The following NTN4 variants were observed in gnomAD, a reference collection of about 807,000 sequenced individuals.
NTN4 encodes the protein netrin-4.
In NTN4, 32 loss-of-function variants were observed where a neutral mutation model predicts 73.6. The observed-to-expected ratio is 0.44, with a 90% confidence interval of 0.33 to 0.58. The LOEUF (loss-of-function observed/expected upper bound fraction) is 0.58, where lower values mean the gene tolerates loss of function less well. Ranked by LOEUF, NTN4 falls within the 20% of genes least tolerant of loss-of-function variation. The pLI, the probability that NTN4 is intolerant of heterozygous loss-of-function variation, is 0.04. For missense variants in NTN4, 654 were observed against 798.3 expected (o/e 0.82, Z 2.18); for synonymous variants, 258 against 287.5 (o/e 0.90, Z 1.04).
chr12:95,697,858 A>G (rs1288596714), intron 5 of NTN4, among the ~76,000 whole-genome samples: 1 of 152,138 alleles, frequency 6.6e-6, no homozygotes, highest in Non-Finnish European at 1.5e-5. Flanking sequence ...TGGGCAAATT[A>G]TATACAGTCA....
At chr12:95,741,626 A>AT (rs1565903784) in intron 2 of NTN4, among the ~76,000 whole-genome samples, 3 of 47,748 alleles carry the variant, frequency 6.3e-5, no homozygotes, top group Non-Finnish European at 1.2e-4. Flanking sequence ...TAAAGTGTTT[A>AT]ATATATATAT....
At chr12:95,759,329 T>C (rs1373321930) in intron 2 of NTN4, among the ~76,000 whole-genome samples, 1 of 152,178 alleles carries the variant, frequency 6.6e-6, no homozygotes, top group Non-Finnish European at 1.5e-5. Context: ...ATTACTTGAA[T>C]GTTAGACCAC....
At chr12:95,771,051 G>A (rs539800979) in intron 2 of NTN4, among the ~76,000 whole-genome samples, 25 of 144,986 alleles carry the variant, frequency 1.7e-4, no homozygotes, top group African/African-American at 5.6e-4. Flanking sequence ...GTGCAGTGGC[G>A]CGATCTCGGC....
At chr12:95,711,499 A>G (rs936803471) in intron 4 of NTN4, among the ~76,000 whole-genome samples, 1 of 152,216 alleles carries the variant, frequency 6.6e-6, no homozygotes, top group African/African-American at 2.4e-5. Flanking sequence ...AGATGTAGGC[A>G]TGAATTCATG....
chr12:95,784,665 G>A (rs1438808675), intron 2 of NTN4, among the ~76,000 whole-genome samples: 1 of 152,094 alleles, frequency 6.6e-6, no homozygotes, highest in African/African-American at 2.4e-5. Flanking sequence ...TACTCAGGAG[G>A]CTGAGGCAGG....
intron 1 of NTN4, among the ~76,000 whole-genome samples, chr12:95,788,484 C>T (rs1051877259): frequency 5.3e-5 from 8 of 152,192 alleles, no homozygotes; most frequent in African/African-American, 1.9e-4. Flanking sequence ...TTGTGAATAC[C>T]TTAAGCAAAA....
chr12:95,700,584 G>A (rs2121052029), intron 5 of NTN4, among the ~76,000 whole-genome samples: 1 of 152,138 alleles, frequency 6.6e-6, no homozygotes, highest in South Asian at 2.1e-4. Flanking sequence ...TTCTACTTTT[G>A]ACTCAGAGTC....
At chr12:95,768,518 TC>T (rs1342267910) in intron 2 of NTN4, among the ~76,000 whole-genome samples, 1 of 151,716 alleles carries the variant, frequency 6.6e-6, no homozygotes, top group Non-Finnish European at 1.5e-5. Context: ...GCCCAACAGA[TC>T]CAGCTAGAGG....
intron 2 of NTN4, among the ~76,000 whole-genome samples, chr12:95,746,708 G>A (rs559875061): frequency 1.3e-5 from 2 of 152,168 alleles, no homozygotes; most frequent in East Asian, 1.9e-4. Context: ...TAGCTCCCTT[G>A]GTCTTTCCTA....
At chr12:95,753,259 ATCC>A in intron 2 of NTN4, among the ~76,000 whole-genome samples, 1 of 151,366 alleles carries the variant, frequency 6.6e-6, no homozygotes, top group South Asian at 2.1e-4. Flanking sequence ...GTGGAAATCT[ATCC>A]TCAAGGAAAT....
chr12:95,688,674 G>A (rs1259694024), intron 5 of NTN4, among the ~76,000 whole-genome samples: 2 of 151,804 alleles, frequency 1.3e-5, no homozygotes, highest in African/African-American at 4.8e-5. Context: ...TGTAGAGTGA[G>A]AAGATGATCA....
intron 3 of NTN4, 59 bp from the exon 4 acceptor site, chr12:95,713,397 A>T (rs1592680488): frequency 6.7e-7 from 1 of 1,488,108 alleles, no homozygotes; most frequent in Non-Finnish European, 9.1e-7. Flanking sequence ...AGAACAGAAC[A>T]TGCTTCCCAC....
At chr12:95,772,885 C>T (rs867398579) in intron 2 of NTN4, among the ~76,000 whole-genome samples, 1 of 152,162 alleles carries the variant, frequency 6.6e-6, no homozygotes, top group Non-Finnish European at 1.5e-5. Context: ...TTCCCTCACC[C>T]TCCTTCCCTC....
chr12:95,704,445 A>G (rs1254185452), intron 5 of NTN4, among the ~76,000 whole-genome samples: 3 of 152,194 alleles, frequency 2.0e-5, no homozygotes, highest in African/African-American at 7.2e-5. Flanking sequence ...TCTGGTAATT[A>G]TAGGTACTTA....
At chr12:95,693,732 A>G (rs989239320) in intron 5 of NTN4, among the ~76,000 whole-genome samples, 5 of 63,064 alleles carry the variant, frequency 7.9e-5, no homozygotes, top group African/African-American at 3.3e-4. Flanking sequence ...ACCTGTCTCA[A>G]TTGAAAAAAA....
At chr12:95,740,209 A>G (rs1232631550) in intron 2 of NTN4, among the ~76,000 whole-genome samples, 1 of 152,222 alleles carries the variant, frequency 6.6e-6, no homozygotes, top group East Asian at 1.9e-4. Context: ...ACCCTGCGTC[A>G]GGAAACAAAG....
intron 2 of NTN4, among the ~76,000 whole-genome samples, chr12:95,776,398 A>G (rs898067223): frequency 2.6e-5 from 4 of 152,206 alleles, no homozygotes; most frequent in African/African-American, 9.7e-5. Context: ...ATCGCAAAGA[A>G]GTTAAAAACC....
intron 9 of NTN4, 87 bp downstream of exon 9, chr12:95,665,723 G>T: frequency 2.9e-6 from 3 of 1,023,486 alleles, no homozygotes; most frequent in Non-Finnish European, 4.3e-6. Flanking sequence ...TGCTGAGTTT[G>T]TTTATGTTGT....
chr12:95,706,872 C>A (rs941357550), intron 5 of NTN4, among the ~76,000 whole-genome samples: 4 of 152,140 alleles, frequency 2.6e-5, no homozygotes, highest in Non-Finnish European at 5.9e-5. Context: ...GCATCAGAAT[C>A]ACCTGGAGGG....
Sources: gnomAD v4.1 joint callset for allele counts (sites outside exome capture counted in the v4.1 genomes callset) on GRCh38, gnomAD v4.1.1 for gene constraint, MANE v1.5 for transcripts, NCBI Gene and HGNC (gene_info 2026-07-23, HGNC 2026-07-21) for gene names.